PTPRD: variants seen among roughly 807,000 people sequenced by gnomAD.
PTPRD encodes the protein protein tyrosine phosphatase receptor type D.
A neutral mutation model predicts 214.5 loss-of-function variants in PTPRD; 34 were observed. The observed-to-expected ratio is 0.16, with a 90% CI of 0.12 to 0.21. The LOEUF is 0.21. PTPRD is among the 10% of genes least tolerant of loss of function. PTPRD has a pLI of 1.00. For synonymous variants in PTPRD, 1,128 were observed against 845.7 expected, an observed-to-expected ratio of 1.33 and a Z score of -5.79; for missense variants, 2,545 against 2,398.7, an observed-to-expected ratio of 1.06 and a Z score of -1.27.
intron 8 of PTPRD, among the ~76,000 whole-genome samples, chr9:9,473,099 C>G (rs2146619485): frequency 1.3e-5 from 2 of 152,002 alleles, no homozygotes; most frequent in South Asian, 2.1e-4. Context: ...TACCTGTTAA[C>G]CAATGTATCC....
chr9:8,442,487 G>A (rs886252330), intron 34 of PTPRD, among the ~76,000 whole-genome samples: 1 of 152,094 alleles, frequency 6.6e-6, no homozygotes, highest in Non-Finnish European at 1.5e-5. Flanking sequence ...TAATGACTCA[G>A]TAACAGTCTC....
chr9:9,141,219 C>T (rs1303418894), intron 10 of PTPRD, among the ~76,000 whole-genome samples: 1 of 145,916 alleles, frequency 6.9e-6, no homozygotes, highest in Non-Finnish European at 1.5e-5. Context: ...CCTCCCTCCC[C>T]CTTCTCTCTC....
At chr9:8,898,954 G>C (rs1050775473) in intron 11 of PTPRD, among the ~76,000 whole-genome samples, 1 of 152,090 alleles carries the variant, frequency 6.6e-6, no homozygotes, top group African/African-American at 2.4e-5. Context: ...AAGGCAAATA[G>C]GCAATAATGG....
intron 30 of PTPRD, among the ~76,000 whole-genome samples, chr9:8,480,898 T>TG (rs2096867873): frequency 6.6e-6 from 1 of 152,090 alleles, no homozygotes; most frequent in African/African-American, 2.4e-5. Context: ...CCCAGCACTT[T>TG]GGGAGGCTGA....
chr9:9,122,969 T>G (rs2099819034), intron 10 of PTPRD, among the ~76,000 whole-genome samples: 1 of 152,178 alleles, frequency 6.6e-6, no homozygotes, highest in Non-Finnish European at 1.5e-5. Flanking sequence ...ATGGGGAAAA[T>G]GGCATTGCTA....
intron 4 of PTPRD, among the ~76,000 whole-genome samples, chr9:9,961,183 A>G (rs1211560471): frequency 2.0e-5 from 3 of 152,136 alleles, no homozygotes; most frequent in Non-Finnish European, 2.9e-5. Context: ...ATATATAAAT[A>G]TAGCTCACAA....
intron 3 of PTPRD, among the ~76,000 whole-genome samples, chr9:10,090,919 TACACACACACACACACAC>T (rs1162698970): frequency 4.0e-5 from 4 of 99,590 alleles, no homozygotes; most frequent in Non-Finnish European, 8.4e-5. Flanking sequence ...AAATGAAATA[TACACACACACACACACAC>T]ACACACACAC....
intron 3 of PTPRD, among the ~76,000 whole-genome samples, chr9:10,333,428 C>A (rs2096788218): frequency 6.6e-6 from 1 of 151,750 alleles, no homozygotes; most frequent in African/African-American, 2.4e-5. Flanking sequence ...CTATTTCCTG[C>A]TGACACTACA....
chr9:9,862,094 T>C (rs138485439), intron 5 of PTPRD, among the ~76,000 whole-genome samples: 1 of 152,212 alleles, frequency 6.6e-6, no homozygotes, highest in East Asian at 1.9e-4. Flanking sequence ...ATTTGTAAAC[T>C]CTCCCTATAT....
chr9:9,543,514 A>G (rs2078078346), intron 8 of PTPRD, among the ~76,000 whole-genome samples: 1 of 151,756 alleles, frequency 6.6e-6, no homozygotes, highest in South Asian at 2.1e-4. Flanking sequence ...GTAAATTTCA[A>G]AATTTTAATT....
chr9:10,582,442 C>T (rs1008023070), intron 2 of PTPRD, among the ~76,000 whole-genome samples: 3 of 152,152 alleles, frequency 2.0e-5, no homozygotes, highest in Non-Finnish European at 4.4e-5. Context: ...CTCAAATCCA[C>T]TTTACTCAGC....
chr9:10,359,043 TATTAC>T (rs2154465426), intron 2 of PTPRD, among the ~76,000 whole-genome samples: 1 of 152,144 alleles, frequency 6.6e-6, no homozygotes, highest in South Asian at 2.1e-4. Flanking sequence ...TGTGTATATA[TATTAC>T]AAGTCTAATA....
intron 2 of PTPRD, among the ~76,000 whole-genome samples, chr9:10,584,645 T>G (rs2073302230): frequency 6.6e-6 from 1 of 152,150 alleles, no homozygotes. Flanking sequence ...ATCTTCCTGT[T>G]TAAACTACCT....
rs564188224 is a variant in PTPRD at position 8,639,625 on chromosome 9, G to T, written c.65-2781C>A. On this transcript the variant is annotated intron_variant, in intron 12 of 45. Transcript: ENST00000381196. ...CCCTGCATCTGGATATTTTTTAAGG[G>T]ATACCGTTGCATTTCTTAACCCAAA... Among the ~76,000 whole-genome samples the T allele has an allele frequency of 3.3e-5, 5 of 152,272 alleles. No individual in the cohort carries two copies. In the East Asian group the frequency reaches 7.7e-4, roughly 24 times the overall value.
chr9:10,250,695 C>T (rs1321507752), intron 3 of PTPRD, among the ~76,000 whole-genome samples: 1 of 151,910 alleles, frequency 6.6e-6, no homozygotes, highest in Non-Finnish European at 1.5e-5. Flanking sequence ...AATTCTGGAA[C>T]TATAGGCTAT....
At chr9:9,473,161 T>G (rs2094750391) in intron 8 of PTPRD, among the ~76,000 whole-genome samples, 1 of 152,208 alleles carries the variant, frequency 6.6e-6, no homozygotes, top group African/African-American at 2.4e-5. Flanking sequence ...ACAATTCTAC[T>G]CTCTACTTCT....
At chr9:8,849,897 G>T (rs921150403) in intron 11 of PTPRD, among the ~76,000 whole-genome samples, 3 of 152,116 alleles carry the variant, frequency 2.0e-5, no homozygotes, top group Admixed American at 6.5e-5. Context: ...TCAAAGAGGA[G>T]AAATGAGAAA....
chr9:9,592,791 TC>T (rs1198921653), intron 7 of PTPRD, among the ~76,000 whole-genome samples: 1 of 152,070 alleles, frequency 6.6e-6, no homozygotes, highest in Admixed American at 6.6e-5. Context: ...ACACCTGTAA[TC>T]CCAGCACTTT....
At chr9:9,376,128 A>G (rs2060729933) in intron 9 of PTPRD, among the ~76,000 whole-genome samples, 1 of 152,096 alleles carries the variant, frequency 6.6e-6, no homozygotes, top group Non-Finnish European at 1.5e-5. Flanking sequence ...CCTTTTGATT[A>G]TGTTACGTAT....
Sources: gnomAD v4.1 joint callset for allele counts (sites outside exome capture counted in the v4.1 genomes callset) on GRCh38, gnomAD v4.1.1 for gene constraint, MANE v1.5 for transcripts, NCBI Gene and HGNC (gene_info 2026-07-23, HGNC 2026-07-21) for gene names.